CHST11: variants seen among roughly 807,000 people sequenced by gnomAD.
CHST11 encodes C4S-1.
CHST11 carries 9 observed loss-of-function variants against 30.4 expected under a neutral mutation model. That is an observed-to-expected ratio of 0.30 (90% confidence interval 0.18 to 0.52). The LOEUF is 0.52. CHST11 is among the 20% of genes least tolerant of loss of function. The probability of loss-of-function intolerance (pLI) is 0.97; values close to 1 mark genes in which losing one functional copy is unlikely to be tolerated. For synonymous variants in CHST11, 152 were observed against 187.8 expected (o/e 0.81, Z 1.56); for missense variants, 348 against 460.6 (o/e 0.76, Z 2.24).
Position 104,532,620 on chromosome 12 carries a change from T to A in CHST11, c.119-69286T>A, listed in dbSNP as rs538281049. Reference sequence around the variant, plus strand: ...CTTCCCAACCTCAAATTTTTACACATCCATTTGTTTTAAAAATAGCCAAAA... The same window carrying A: ...CTTCCCAACCTCAAATTTTTACACAACCATTTGTTTTAAAAATAGCCAAAA... On this transcript the variant is annotated intron_variant, in intron 1 of 2. Transcript: ENST00000303694. Among the ~76,000 whole-genome samples the A allele has an allele frequency of 3.9e-5, 6 of 152,206 alleles. No homozygotes were observed. In the East Asian group the frequency reaches 9.7e-4, roughly 25 times the overall value.
chr12:104,704,038 G>A (rs577947608), intron 2 of CHST11, among the ~76,000 whole-genome samples: 1 of 152,150 alleles, frequency 6.6e-6, no homozygotes, highest in Non-Finnish European at 1.5e-5. Context: ...ATGTGTCCAG[G>A]GCCTGGTCCA....
rs2039739012 is a variant in CHST11, at chr12:104,676,007, A to G, written c.204+74016A>G. On this transcript the variant is annotated intron_variant, in intron 2 of 2. Transcript: ENST00000303694. The surrounding 1 kb of genome is among the most constrained non-coding windows in gnomAD (Gnocchi z 4.4). ...CAAGGTTCACAAGCTACATCCCCGC[A>G]TGCCTCGACTGGTCAACTCCTATAA... Among the ~76,000 whole-genome samples the G allele has an allele frequency of 6.6e-6, 1 of 152,202 alleles. No homozygotes were observed. The highest frequency in any genetic ancestry group is 1.5e-5 in the Non-Finnish European group (1 of 68,032).
At chr12:104,559,461 G>A (rs2038491458) in intron 1 of CHST11, among the ~76,000 whole-genome samples, 1 of 152,294 alleles carries the variant, frequency 6.6e-6, no homozygotes, top group Admixed American at 6.5e-5. Flanking sequence ...AAGTGAACAC[G>A]GCTGGGCGCG....
At position 104,488,740 on chromosome 12, in the gene CHST11, CGTGTGTGTGT is replaced by C. The variant is rs56383997; in HGVS notation, c.118+31234_118+31243del. Among the ~76,000 whole-genome samples, 985 of 145,860 alleles carry C rather than the reference CGTGTGTGTGT, an allele frequency of 6.8e-3. 10 individuals are homozygous for C. Among genetic ancestry groups the C allele is most frequent in the African/African-American group, 0.024 (932 of 39,180 alleles). ...GTGCGTGTATGTGTGTATGTGTACG[CGTGTGTGTGT>C]GTGTGTGTGTGTGTGTGTGTGTCTA... On this transcript the variant is annotated intron_variant, in intron 1 of 2. Coordinates refer to ENST00000303694, the MANE Select transcript of CHST11 (RefSeq NM_018413.6).
chr12:104,542,364 C>T (rs1385937622), intron 1 of CHST11, among the ~76,000 whole-genome samples: 1 of 152,158 alleles, frequency 6.6e-6, no homozygotes, highest in African/African-American at 2.4e-5. Context: ...ACGTGTCCAT[C>T]GAGGGATGAA....
intron 1 of CHST11, among the ~76,000 whole-genome samples, chr12:104,505,337 C>G (rs1323775268): frequency 6.6e-6 from 1 of 152,106 alleles, no homozygotes; most frequent in Non-Finnish European, 1.5e-5. Context: ...CCCCCACACC[C>G]CCCCAGCAGA....
chr12:104,490,632 T>C (rs186177494), intron 1 of CHST11, among the ~76,000 whole-genome samples: 1 of 152,320 alleles, frequency 6.6e-6, no homozygotes, highest in Admixed American at 6.5e-5. Flanking sequence ...TGCTGCATTT[T>C]TATTCTGTGT....
At chr12:104,582,087 C>T (rs1266045767) in intron 1 of CHST11, among the ~76,000 whole-genome samples, 1 of 152,158 alleles carries the variant, frequency 6.6e-6, no homozygotes, top group Admixed American at 6.6e-5. Flanking sequence ...TAGGATGCAT[C>T]CTTATTTGCG....
intron 2 of CHST11, among the ~76,000 whole-genome samples, chr12:104,617,252 G>C (rs981441232): frequency 2.0e-5 from 3 of 152,176 alleles, no homozygotes; most frequent in African/African-American, 7.2e-5. Context: ...CTAGAGGATA[G>C]GGTCCCCTGG....
intron 1 of CHST11, among the ~76,000 whole-genome samples, chr12:104,532,514 G>A (rs2038195477): frequency 1.3e-5 from 2 of 152,206 alleles, no homozygotes; most frequent in African/African-American, 2.4e-5. Flanking sequence ...TGCGGGAGGG[G>A]TGCAGAGCGT....
At chr12:104,619,677 C>T (rs888096417) in intron 2 of CHST11, among the ~76,000 whole-genome samples, 2 of 152,154 alleles carry the variant, frequency 1.3e-5, no homozygotes, top group African/African-American at 4.8e-5. Context: ...GTGGGGGCTG[C>T]TTATCTGGGG....
chr12:104,637,979 A>AG (rs1210114490), intron 2 of CHST11, among the ~76,000 whole-genome samples: 3 of 151,980 alleles, frequency 2.0e-5, no homozygotes, highest in East Asian at 3.9e-4. Flanking sequence ...AAAATTCACC[A>AG]CCACCTCCTC....
intron 2 of CHST11, among the ~76,000 whole-genome samples, chr12:104,706,352 C>G (rs1035923232): frequency 6.7e-6 from 1 of 148,774 alleles, no homozygotes; most frequent in Non-Finnish European, 1.5e-5. Context: ...CCACTGCACT[C>G]CAGCCTGGGC....
chr12:104,588,306 C>G lies in CHST11; in HGVS notation c.119-13600C>G, dbSNP rs117999012. 5.4e-3 allele frequency among the ~76,000 whole-genome samples: 817 copies of G among 152,290 alleles called. 3 individuals are homozygous for G. Among genetic ancestry groups the G allele is most frequent in the Middle Eastern group, 0.01 (3 of 292 alleles). ...TCTACTTTCTGTGTCTATGTACTTA[C>G]CAGTTCTGGACATTTTTTGCACTTC... On this transcript the variant is annotated intron_variant, in intron 1 of 2. Coordinates refer to ENST00000303694, the MANE Select transcript of CHST11 (RefSeq NM_018413.6).
chr12:104,701,925 G>A (rs549411300), intron 2 of CHST11, among the ~76,000 whole-genome samples: 1 of 152,328 alleles, frequency 6.6e-6, no homozygotes, highest in East Asian at 1.9e-4. Context: ...TGCTTCAAGT[G>A]GAGTTCACCT....
chr12:104,458,731 A>T lies in CHST11; in HGVS notation c.118+1202A>T, dbSNP rs1239750795. Among the ~76,000 whole-genome samples the T allele has an allele frequency of 6.6e-6, 1 of 152,164 alleles. No individual in the cohort carries two copies. Among genetic ancestry groups the T allele is most frequent in the South Asian group, 2.1e-4 (1 of 4,830 alleles). ...CCTTTCTCAGCGTAGTCACAGCAAT[A>T]ATTTGCTTTTCTAATTGCAAGGAGG... is the stretch of plus-strand genomic sequence containing the variant. On this transcript the variant is annotated intron_variant, in intron 1 of 2. Transcript: ENST00000303694. The surrounding 1 kb of genome is among the most constrained non-coding windows in gnomAD (Gnocchi z 5.7).
intron 2 of CHST11, among the ~76,000 whole-genome samples, chr12:104,681,899 C>T (rs979935679): frequency 5.2e-5 from 7 of 135,584 alleles, no homozygotes; most frequent in Admixed American, 1.7e-4. Context: ...GGTGCGATCT[C>T]GGCTCCCTGC....
intron 1 of CHST11, among the ~76,000 whole-genome samples, chr12:104,515,786 G>A (rs1392719628): frequency 6.6e-6 from 1 of 152,196 alleles, no homozygotes; most frequent in Non-Finnish European, 1.5e-5. Flanking sequence ...AGGAGGTGGG[G>A]TGTGAGCCCT....
chr12:104,683,436 G>T, intron 2 of CHST11, among the ~76,000 whole-genome samples: 1 of 152,184 alleles, frequency 6.6e-6, no homozygotes, highest in East Asian at 1.9e-4. Flanking sequence ...GTGGCCCTAT[G>T]GTTTTGTTAG....
Sources: gnomAD v4.1 joint callset for allele counts (sites outside exome capture counted in the v4.1 genomes callset) on GRCh38, gnomAD v4.1.1 for gene constraint, Gnocchi (gnomAD v3.1) non-coding constraint, MANE v1.5 for transcripts, NCBI Gene and HGNC (gene_info 2026-07-23, HGNC 2026-07-21) for gene names.